CAMLG: variants seen among roughly 807,000 people sequenced by gnomAD.
CAMLG encodes the protein guided entry of tail-anchored proteins factor CAMLG.
In CAMLG, 23 loss-of-function variants were observed where a neutral mutation model predicts 28.9. That is an observed-to-expected ratio of 0.80 (90% CI 0.57 to 1.13). The LOEUF is 1.13. Among genes scored for constraint, CAMLG ranks in the 50% most tolerant of loss-of-function variants. The pLI, the probability that CAMLG is intolerant of heterozygous loss-of-function variation, is 0.00. For synonymous variants in CAMLG, 141 were observed against 146.5 expected (o/e 0.96, Z 0.27); for missense variants, 367 against 371.9 (o/e 0.99, Z 0.11).
chr5:134,750,761 T>A lies in CAMLG; in HGVS notation c.702T>A (p.Ser234Arg). ...AATTTGAGTCTTTCTCTACACAGAG[T>A]GAAAAGAAGATAAAGACAACAGTAC... Reference protein sequence around the residue: ...YMGLYKYFPKSEKKIKTTVLT... With the variant: ...YMGLYKYFPKREKKIKTTVLT... Residue 234 changes from serine (S) to arginine (R), a missense_variant and splice_region_variant, in exon 4 of 4, where the codon AGT becomes AGA. By Grantham distance (110) the Ser-to-Arg change is moderately radical. Coordinates refer to ENST00000297156, the MANE Select transcript of CAMLG (RefSeq NM_001745.4). 1 of 1,609,120 alleles carries A rather than the reference T, an allele frequency of 6.2e-7. No individual in the cohort carries two copies. Among genetic ancestry groups the A allele is most frequent in the Non-Finnish European group, 8.5e-7 (1 of 1,175,978 alleles).
At chr5:134,747,715 C>T (rs547967652) in intron 3 of CAMLG, among the ~76,000 whole-genome samples, 10 of 151,216 alleles carry the variant, frequency 6.6e-5, no homozygotes, top group South Asian at 4.2e-4. Context: ...AATCTTGGCT[C>T]ACTGCAACCT....
intron 2 of CAMLG, among the ~76,000 whole-genome samples, chr5:134,743,560 A>C (rs1396193721): frequency 6.7e-6 from 1 of 150,110 alleles, no homozygotes; most frequent in East Asian, 2.0e-4. Context: ...ACAGAGCGAG[A>C]CTCCATCTTA....
intron 3 of CAMLG, among the ~76,000 whole-genome samples, chr5:134,749,422 A>G (rs1233477639): frequency 6.6e-6 from 1 of 152,140 alleles, no homozygotes; most frequent in Non-Finnish European, 1.5e-5. Context: ...GGATTTTGTG[A>G]TAATAAAGAA....
In CAMLG at chr5:134,750,993, A is replaced by G; in HGVS notation, c.*43A>G. 7.0e-7 allele frequency: 1 copy of G among 1,432,188 alleles called. No homozygotes were observed. Among genetic ancestry groups the G allele is most frequent in the Non-Finnish European group, 9.6e-7 (1 of 1,041,534 alleles). 88.7% of individuals were successfully genotyped at this position (1,432,188 alleles called of 1,614,324 possible). On this transcript the variant is annotated 3_prime_UTR_variant, in exon 4 of 4. Coordinates refer to ENST00000297156, the MANE Select transcript of CAMLG (RefSeq NM_001745.4). ...AGGAGAAGCTTACAAAAAAAAAAAAATCCTCTTCTATATTGCAGTGTCTCT... is the reference window on the plus strand; with the variant it reads ...AGGAGAAGCTTACAAAAAAAAAAAAGTCCTCTTCTATATTGCAGTGTCTCT...
In CAMLG at chr5:134,751,054, C is replaced by A. The variant is rs11552196; in HGVS notation, c.*104C>A. 8,851 of 750,016 alleles carry A rather than the reference C, an allele frequency of 0.012. 80 individuals are homozygous for A. Among genetic ancestry groups the A allele is most frequent in the Non-Finnish European group, 0.016 (7,330 of 466,028 alleles). 46.5% of individuals were successfully genotyped at this position (750,016 alleles called of 1,614,324 possible). A position where few individuals can be genotyped will look rare whatever the true frequency, so the allele number is the denominator to read the frequency against. On this transcript the variant is annotated 3_prime_UTR_variant, in exon 4 of 4. Transcript: ENST00000297156. ...AATTGGTTTACACCTTCATGTAATT[C>A]TTTTACTTTAGGGGTTGTAAAGCTA... is the stretch of plus-strand genomic sequence containing the variant.
rs1373143484 is a variant in CAMLG at position 134,751,879 on chromosome 5, T to G, written c.*929T>G. 3 of 152,150 alleles carry G rather than the reference T, an allele frequency of 2.0e-5. No homozygotes were observed. The East Asian group carries it at 5.8e-4, about 29-fold the overall frequency. 9.4% of individuals were successfully genotyped at this position (152,150 alleles called of 1,614,324 possible). On this transcript the variant is annotated 3_prime_UTR_variant, in exon 4 of 4. Coordinates refer to ENST00000297156, the MANE Select transcript of CAMLG (RefSeq NM_001745.4). ...TATTCTTTAGTAAAGACAGGGTTTCTCCATGTTGGTCAGGCTGGTCTCGAA... is the reference window on the plus strand; with the variant it reads ...TATTCTTTAGTAAAGACAGGGTTTCGCCATGTTGGTCAGGCTGGTCTCGAA...
Position 134,751,001 on chromosome 5 carries a change from C to G in CAMLG, c.*51C>G. 1 of 1,369,874 alleles carries G rather than the reference C, an allele frequency of 7.3e-7. No homozygotes were observed. Among genetic ancestry groups the G allele is most frequent in the Non-Finnish European group, 1.0e-6 (1 of 985,202 alleles). The allele number at this position is 1,369,874 out of a possible 1,614,324, so 84.9% of individuals were successfully genotyped here. A position where few individuals can be genotyped will look rare whatever the true frequency, so the allele number is the denominator to read the frequency against. ...CTTACAAAAAAAAAAAAATCCTCTT[C>G]TATATTGCAGTGTCTCTAAAGGAGG... On this transcript the variant is annotated 3_prime_UTR_variant, in exon 4 of 4. Transcript: ENST00000297156.
intron 3 of CAMLG, among the ~76,000 whole-genome samples, chr5:134,744,781 G>A (rs1368898737): frequency 3.3e-5 from 5 of 152,134 alleles, no homozygotes; most frequent in African/African-American, 9.7e-5. Context: ...TAATAGCAGT[G>A]CACTTTATCT....
At chr5:134,748,701 C>G (rs1234917000) in intron 3 of CAMLG, among the ~76,000 whole-genome samples, 4 of 152,170 alleles carry the variant, frequency 2.6e-5, no homozygotes, top group Admixed American at 2.6e-4. Flanking sequence ...GAGTTTCTTT[C>G]ATGCTCCTTT....
chr5:134,747,801 C>T (rs997056001), intron 3 of CAMLG, among the ~76,000 whole-genome samples: 2 of 151,822 alleles, frequency 1.3e-5, no homozygotes, highest in Non-Finnish European at 2.9e-5. Context: ...GCCACCAAGC[C>T]CAGCTAATTT....
At chr5:134,745,707 T>C (rs1753039161) in intron 3 of CAMLG, among the ~76,000 whole-genome samples, 1 of 148,706 alleles carries the variant, frequency 6.7e-6, no homozygotes, top group South Asian at 2.1e-4. Context: ...GAGCCCAGAC[T>C]GTGCCATTGC....
At chr5:134,749,993 C>G (rs1753094454) in intron 3 of CAMLG, among the ~76,000 whole-genome samples, 1 of 152,224 alleles carries the variant, frequency 6.6e-6, no homozygotes, top group Non-Finnish European at 1.5e-5. Context: ...GCATGAGCCA[C>G]TGCACTTGGC....
In CAMLG at chr5:134,740,213, AAAAC is replaced by A. The variant is rs1351192167; in HGVS notation, c.173-846_173-843del. ...TGGCCTTTTTTTTAAAACAAAAACA[AAAAC>A]AAAACCCCAGAGTAGTGTCTTAAAA... On this transcript the variant is annotated intron_variant, in intron 1 of 3. Transcript: ENST00000297156. Among the ~76,000 whole-genome samples the A allele has an allele frequency of 1.4e-4, 22 of 152,258 alleles. No homozygotes were observed. In the East Asian group the frequency reaches 4.2e-3, roughly 29 times the overall value.
chr5:134,741,982 TAAC>T (rs890935411), intron 2 of CAMLG, among the ~76,000 whole-genome samples: 2 of 151,854 alleles, frequency 1.3e-5, no homozygotes, highest in South Asian at 2.1e-4. Context: ...GGGGGAAAAA[TAAC>T]AATACAACAA....
Position 134,741,230 on chromosome 5 carries a change from T to G in CAMLG, c.340T>G (p.Leu114Val). The G allele has an allele frequency of 6.2e-7, 1 of 1,614,130 alleles. No individual in the cohort carries two copies. Among genetic ancestry groups the G allele is most frequent in the South Asian group, 1.1e-5 (1 of 91,074 alleles). The change falls in exon 2 of 4, where the codon TTG (leucine) becomes GTG (valine). Residue 114 changes from leucine to valine, a missense_variant. By Grantham distance (32) the Leu-to-Val change is conservative. Transcript: ENST00000297156. ...AAAGGGGACCCAACTGGGAGACAAATTGGACTCGTTCATTAAACCACCTGA... is the reference window on the plus strand; with the variant it reads ...AAAGGGGACCCAACTGGGAGACAAAGTGGACTCGTTCATTAAACCACCTGA... ...EVKGTQLGDK[L>V]DSFIKPPECS...
intron 1 of CAMLG, among the ~76,000 whole-genome samples, chr5:134,740,605 T>C (rs1752970433): frequency 6.6e-6 from 1 of 152,120 alleles, no homozygotes; most frequent in Non-Finnish European, 1.5e-5. Flanking sequence ...TTTTCTTTTT[T>C]TTGTTTTGAG....
rs1028218740 is a variant in CAMLG, at chr5:134,741,266, G to A, written c.376G>A (p.Asp126Asn). 4 of 1,614,212 alleles carry A rather than the reference G, an allele frequency of 2.5e-6. No individual in the cohort carries two copies. Residue 126 changes from aspartate (D) to asparagine (N), a missense_variant, in exon 2 of 4, where the codon GAT becomes AAT. Transcript: ENST00000297156. ...SFIKPPECSS[D>N]VNLELRQRNR... Reference sequence around the variant, plus strand: ...CATTAAACCACCTGAGTGCAGTAGTGATGTCAACCTTGAGCTCCGGCAGCG... The same window carrying A: ...CATTAAACCACCTGAGTGCAGTAGTAATGTCAACCTTGAGCTCCGGCAGCG...
chr5:134,740,892 G>A (rs993386112), intron 1 of CAMLG, among the ~76,000 whole-genome samples, 171 bp from the exon 2 acceptor site: 3 of 152,246 alleles, frequency 2.0e-5, no homozygotes, highest in Non-Finnish European at 4.4e-5. Context: ...ACAGGCGTGA[G>A]CCACGGCACC....
At position 134,750,857 on chromosome 5, in the gene CAMLG, A is replaced by G. The variant is rs1753105222; in HGVS notation, c.798A>G (p.Lys266=). The G allele has an allele frequency of 6.2e-7, 1 of 1,614,066 alleles. No individual in the cohort carries two copies. Among genetic ancestry groups the G allele is most frequent in the Middle Eastern group, 1.6e-4 (1 of 6,062 alleles). ...ATCGATCAATGGATACCTATAGCAA[A>G]ATGGGCGAAGTCTTCACAGATCTCT... ...VINRSMDTYS[K]MGEVFTDLCV... Residue 266 remains lysine, a synonymous_variant, in exon 4 of 4, where the codon AAA becomes AAG. Transcript: ENST00000297156.
Sources: gnomAD v4.1 joint callset for allele counts (sites outside exome capture counted in the v4.1 genomes callset) on GRCh38, gnomAD v4.1.1 for gene constraint, MANE v1.5 for transcripts, NCBI Gene and HGNC (gene_info 2026-07-23, HGNC 2026-07-21) for gene names.